Variants in RIBC2 observed in about 807,000 individuals in gnomAD.
The protein encoded by RIBC2 is RIB43A-like with coiled-coils protein 2.
RIBC2 carries 40 observed loss-of-function variants against 44.3 expected under a neutral mutation model. The observed-to-expected ratio is 0.90, with a 90% CI of 0.70 to 1.18. The LOEUF (loss-of-function observed/expected upper bound fraction) is 1.18. Among genes scored for constraint, RIBC2 ranks in the 50% most tolerant of loss-of-function variants. RIBC2 has a pLI of 0.00. For synonymous variants in RIBC2, 171 were observed against 175.0 expected, an observed-to-expected ratio of 0.98 and a Z score of 0.18; for missense variants, 459 against 485.5, an observed-to-expected ratio of 0.95 and a Z score of 0.51.
rs1292461177 is a variant in RIBC2 at position 45,430,914 on chromosome 22, A to G, written c.918A>G (p.Glu306=). Reference sequence around the variant, plus strand: ...TTTCCTTCCAGAGGCTCCAGGAAGAAAAGCGCCAGCGAGACCTGGACTGGG... The same window carrying G: ...TTTCCTTCCAGAGGCTCCAGGAAGAGAAGCGCCAGCGAGACCTGGACTGGG... ...QIQEKLRLQE[E]KRQRDLDWDR... is the part of the protein sequence containing the mutation. Residue 306 remains glutamate, a synonymous_variant, in exon 6 of 7, where the codon GAA becomes GAG. Transcript: ENST00000614167. 6.3e-7 allele frequency: 1 copy of G among 1,590,652 alleles called. No individual in the cohort carries two copies. Among genetic ancestry groups the G allele is most frequent in the African/African-American group, 1.4e-5 (1 of 73,870 alleles).
intron 5 of RIBC2, 76 bp from the exon 6 acceptor site, chr22:45,430,824 C>T (rs1329288706): frequency 2.1e-6 from 3 of 1,436,276 alleles, no homozygotes; most frequent in East Asian, 2.6e-5. Flanking sequence ...AATGAGAGGC[C>T]AGGCCTCCTA....
At chr22:45,427,738 G>A (rs2087546502) in intron 5 of RIBC2, among the ~76,000 whole-genome samples, 1 of 152,210 alleles carries the variant, frequency 6.6e-6, no homozygotes, top group African/African-American at 2.4e-5. Context: ...GAGTTCAAGC[G>A]ATTCTCCTGC....
rs1265685053 is a variant in RIBC2 at position 45,431,015 on chromosome 22, G to A, written c.1019G>A (p.Arg340His). 3.8e-6 allele frequency: 6 copies of A among 1,588,868 alleles called. No homozygotes were observed. The highest frequency in any genetic ancestry group is 2.3e-5 in the South Asian group (2 of 87,518). ...RQQWRRQRDL[R>H]RALDSSNLSL... is the part of the protein sequence containing the mutation. The stretch of plus-strand genomic sequence containing the variant: ...CAGTGGCGGCGGCAGCGCGACCTGC[G>A]CAGAGCTCTGGACAGCAGCAACCTC... The change falls in exon 6 of 7, where the codon CGC (arginine) becomes CAC (histidine). Residue 340 changes from arginine to histidine, a missense_variant. Physicochemically the swap from Arg to His is conservative, Grantham distance 29. Coordinates refer to ENST00000614167, the MANE Select transcript of RIBC2 (RefSeq NM_015653.5).
At chr22:45,426,234 C>A in intron 5 of RIBC2, 59 bp downstream of exon 5, 1 of 1,433,544 alleles carries the variant, frequency 7.0e-7, no homozygotes, top group Non-Finnish European at 9.6e-7. Context: ...CTCCCACTGC[C>A]TTCCAGGCAC....
At chr22:45,431,145 G>C in intron 6 of RIBC2, 79 bp downstream of exon 6, 1 of 1,465,074 alleles carries the variant, frequency 6.8e-7, no homozygotes, top group East Asian at 2.5e-5. Context: ...AGGACGAGGA[G>C]GGGGCAGGAG....
At chr22:45,431,147 G>C in intron 6 of RIBC2, 81 bp downstream of exon 6, 1 of 1,467,708 alleles carries the variant, frequency 6.8e-7, no homozygotes, top group Admixed American at 2.1e-5. Context: ...GACGAGGAGG[G>C]GGCAGGAGGG....
chr22:45,420,219 A>T (rs1602114035), intron 3 of RIBC2, among the ~76,000 whole-genome samples: 1 of 152,106 alleles, frequency 6.6e-6, no homozygotes, highest in African/African-American at 2.4e-5. Flanking sequence ...ACGTGAGTAT[A>T]TCAGGCTCAC....
At chr22:45,423,041 G>C (rs1437271104) in intron 4 of RIBC2, among the ~76,000 whole-genome samples, 3 of 152,080 alleles carry the variant, frequency 2.0e-5, no homozygotes, top group African/African-American at 7.2e-5. Context: ...AAGTGTAGTG[G>C]CACGATCATG....
Position 45,431,086 on chromosome 22 carries a change from A to AGGGCCAGGTGGGGGACCG in RIBC2, c.1070+23_1070+40dup. On this transcript the variant is annotated intron_variant, in intron 6 of 6. Coordinates refer to ENST00000614167, the MANE Select transcript of RIBC2 (RefSeq NM_015653.5). ...TTTGCAGTGAGTGCTGGGTGGGACC[A>AGGGCCAGGTGGGGGACCG]GGGCCAGGTGGGGGACCGGGTGGAG... is the stretch of plus-strand genomic sequence containing the variant. 1 of 1,560,566 alleles carries AGGGCCAGGTGGGGGACCG rather than the reference A, an allele frequency of 6.4e-7. No individual in the cohort carries two copies. The highest frequency in any genetic ancestry group is 8.7e-7 in the Non-Finnish European group (1 of 1,152,254).
At position 45,415,888 on chromosome 22, in the gene RIBC2, C is replaced by T. The variant is rs1028988452; in HGVS notation, c.211+1485C>T. ...CTGATTTTTGTATTTTTAGTAGAGA[C>T]GAGGTTTCACCATGTTGGCCAGGCT... On this transcript the variant is annotated intron_variant, in intron 2 of 6. Transcript: ENST00000614167. Among the ~76,000 whole-genome samples, 17 of 152,160 alleles carry T rather than the reference C, an allele frequency of 1.1e-4. No individual in the cohort carries two copies. The East Asian group carries it at 3.3e-3, about 29-fold the overall frequency.
chr22:45,424,584 G>T (rs2087516434), intron 4 of RIBC2, among the ~76,000 whole-genome samples: 1 of 152,200 alleles, frequency 6.6e-6, no homozygotes, highest in African/African-American at 2.4e-5. Flanking sequence ...TGCCCGCCAT[G>T]GACAGGCTGT....
Position 45,431,073 on chromosome 22 carries a change from G to A in RIBC2, c.1070+7G>A. The A allele has an allele frequency of 6.4e-7, 1 of 1,566,932 alleles. No individual in the cohort carries two copies. The highest frequency in any genetic ancestry group is 8.7e-7 in the Non-Finnish European group (1 of 1,155,744). Reference sequence around the variant, plus strand: ...CCAAGGAGCAGCATTTGCAGTGAGTGCTGGGTGGGACCAGGGCCAGGTGGG... The same window carrying A: ...CCAAGGAGCAGCATTTGCAGTGAGTACTGGGTGGGACCAGGGCCAGGTGGG... On this transcript the variant is annotated splice_region_variant and intron_variant, in intron 6 of 6. Transcript: ENST00000614167.
intron 5 of RIBC2, among the ~76,000 whole-genome samples, chr22:45,427,962 T>A (rs2087548594): frequency 6.6e-6 from 1 of 152,236 alleles, no homozygotes; most frequent in Admixed American, 6.5e-5. Context: ...AGCTGAGGAC[T>A]GAGTCCTGCT....
At chr22:45,425,273 G>A (rs2146885809) in intron 4 of RIBC2, among the ~76,000 whole-genome samples, 1 of 152,280 alleles carries the variant, frequency 6.6e-6, no homozygotes. Flanking sequence ...AATCAAGCTG[G>A]CCTCTGGTGA....
intron 1 of RIBC2, 79 bp from the exon 2 acceptor site, chr22:45,414,243 A>G: frequency 6.6e-7 from 1 of 1,509,466 alleles, no homozygotes; most frequent in East Asian, 2.5e-5. Context: ...CAGAGATTAA[A>G]AATAATAATA....
chr22:45,426,642 T>C (rs1161622003), intron 5 of RIBC2, among the ~76,000 whole-genome samples: 1 of 152,202 alleles, frequency 6.6e-6, no homozygotes, highest in Non-Finnish European at 1.5e-5. Context: ...TGGCTTCTTC[T>C]GTGACGGAGA....
At chr22:45,429,129 T>C (rs1602121749) in intron 5 of RIBC2, among the ~76,000 whole-genome samples, 1 of 152,122 alleles carries the variant, frequency 6.6e-6, no homozygotes, top group Admixed American at 6.5e-5. Flanking sequence ...CTGTTATTGG[T>C]AATGACAACG....
intron 2 of RIBC2, among the ~76,000 whole-genome samples, chr22:45,416,430 A>G (rs1310252673): frequency 6.6e-6 from 1 of 151,884 alleles, no homozygotes; most frequent in Non-Finnish European, 1.5e-5. Context: ...ACCAAGTTAC[A>G]CTCCTACAAG....
At chr22:45,432,211 CAAAA>C (rs35724408) in intron 6 of RIBC2, 69 bp from the exon 7 acceptor site, 61 of 658,448 alleles carry the variant, frequency 9.3e-5, no homozygotes, top group Middle Eastern at 4.6e-4. Flanking sequence ...TGTGCCTTTT[CAAAA>C]AAAAAAAAAA....
Sources: allele counts gnomAD v4.1 joint callset (sites outside exome capture counted in the v4.1 genomes callset), GRCh38; gene constraint gnomAD v4.1.1; transcripts MANE v1.5; gene names NCBI Gene and HGNC (gene_info 2026-07-23, HGNC 2026-07-21).